Variants in SUCLG2 observed in about 807,000 individuals in gnomAD.
The protein encoded by SUCLG2 is succinate--CoA ligase [GDP-forming] subunit beta, mitochondrial.
Under a neutral mutation model 47.9 loss-of-function variants are expected in SUCLG2, and 42 were observed. That is an observed-to-expected ratio of 0.88 (90% CI 0.69 to 1.14). The LOEUF is 1.14. SUCLG2 is among the 50% of genes most tolerant of loss of function. The pLI is 0.00. For missense variants in SUCLG2, 571 were observed against 525.9 expected, an observed-to-expected ratio of 1.09 and a Z score of -0.84; for synonymous variants, 195 against 197.3, an observed-to-expected ratio of 0.99 and a Z score of 0.10.
intron 9 of SUCLG2, among the ~76,000 whole-genome samples, chr3:67,435,939 G>T (rs1184191340): frequency 6.6e-6 from 1 of 152,166 alleles, no homozygotes; most frequent in African/African-American, 2.4e-5. Context: ...AGTATGTGAG[G>T]AATAGTGTCT....
intron 2 of SUCLG2, among the ~76,000 whole-genome samples, chr3:67,608,844 A>AT (rs1352145723): frequency 6.6e-6 from 1 of 151,920 alleles, no homozygotes; most frequent in Non-Finnish European, 1.5e-5. Flanking sequence ...TACTAGGCTA[A>AT]TTTTTTTAGT....
At chr3:67,398,924 A>G (rs1272440523) in intron 10 of SUCLG2, among the ~76,000 whole-genome samples, 2 of 151,512 alleles carry the variant, frequency 1.3e-5, no homozygotes, top group African/African-American at 4.9e-5. Context: ...CGCAAGGACA[A>G]AAAACCAAAC....
At chr3:67,646,091 CAGGGG>C (rs1553676377) in intron 1 of SUCLG2, among the ~76,000 whole-genome samples, 3 of 30,674 alleles carry the variant, frequency 9.8e-5, no homozygotes, top group Non-Finnish European at 1.9e-4. Context: ...GAGGGGAGGG[CAGGGG>C]AGGGGAGGGG....
intron 9 of SUCLG2, among the ~76,000 whole-genome samples, chr3:67,425,005 A>ATCT (rs1418685942): frequency 6.6e-6 from 1 of 152,010 alleles, no homozygotes; most frequent in Non-Finnish European, 1.5e-5. Context: ...CCTACTCAAC[A>ATCT]TCTTCCACCC....
intron 4 of SUCLG2, among the ~76,000 whole-genome samples, chr3:67,527,217 A>G (rs192179998): frequency 6.6e-6 from 1 of 152,350 alleles, no homozygotes; most frequent in Admixed American, 6.5e-5. Flanking sequence ...AGCATGGTGC[A>G]TTGGTAGAGA....
chr3:67,634,855 T>A (rs1039843394), intron 1 of SUCLG2, among the ~76,000 whole-genome samples: 2 of 152,224 alleles, frequency 1.3e-5, no homozygotes, highest in African/African-American at 4.8e-5. Flanking sequence ...TGTTTGAGAA[T>A]GTGCACGTGT....
intron 9 of SUCLG2, among the ~76,000 whole-genome samples, chr3:67,490,602 G>A (rs191766854): frequency 6.6e-6 from 1 of 152,236 alleles, no homozygotes; most frequent in Non-Finnish European, 1.5e-5. Context: ...CACTGAACCT[G>A]TATCAGACAC....
At chr3:67,478,847 C>T (rs1344353573) in intron 9 of SUCLG2, among the ~76,000 whole-genome samples, 1 of 152,154 alleles carries the variant, frequency 6.6e-6, no homozygotes, top group Non-Finnish European at 1.5e-5. Flanking sequence ...GACTCTTGTG[C>T]TTAAAGGCAC....
intron 4 of SUCLG2, among the ~76,000 whole-genome samples, chr3:67,525,568 C>T (rs1575754922): frequency 6.6e-6 from 1 of 152,276 alleles, no homozygotes; most frequent in Admixed American, 6.5e-5. Context: ...AATTGAATAT[C>T]ATAGCCCTTT....
chr3:67,517,637 G>T (rs1295207003), intron 6 of SUCLG2, among the ~76,000 whole-genome samples: 1 of 152,084 alleles, frequency 6.6e-6, no homozygotes, highest in Non-Finnish European at 1.5e-5. Flanking sequence ...CCAATGTTTT[G>T]GTCTTTGAAG....
chr3:67,607,476 G>A (rs1700440440), intron 2 of SUCLG2, among the ~76,000 whole-genome samples: 1 of 151,412 alleles, frequency 6.6e-6, no homozygotes, highest in Non-Finnish European at 1.5e-5. Flanking sequence ...TTAAAATACT[G>A]ACGTGGCTCA....
At chr3:67,587,710 A>G (rs1026254507) in intron 2 of SUCLG2, among the ~76,000 whole-genome samples, 6 of 152,234 alleles carry the variant, frequency 3.9e-5, no homozygotes, top group Admixed American at 3.3e-4. Context: ...TGTACAGTTA[A>G]TATTTCTAAA....
chr3:67,398,145 G>A (rs1446514571), intron 10 of SUCLG2, among the ~76,000 whole-genome samples: 2 of 150,170 alleles, frequency 1.3e-5, no homozygotes, highest in East Asian at 3.9e-4. Flanking sequence ...AAAAGCAATG[G>A]CAACAAAAGC....
intron 9 of SUCLG2, among the ~76,000 whole-genome samples, chr3:67,493,446 C>T (rs997217054): frequency 3.9e-5 from 6 of 152,186 alleles, no homozygotes; most frequent in Non-Finnish European, 8.8e-5. Context: ...TGAAAATGTT[C>T]CATAAAGTCA....
intron 9 of SUCLG2, among the ~76,000 whole-genome samples, chr3:67,477,156 C>T (rs904655371): frequency 1.2e-4 from 18 of 152,168 alleles, no homozygotes; most frequent in African/African-American, 4.1e-4. Context: ...TGTGGCATCA[C>T]CTGAACAGCT....
At chr3:67,439,407 T>G (rs1380211938) in intron 9 of SUCLG2, among the ~76,000 whole-genome samples, 1 of 151,846 alleles carries the variant, frequency 6.6e-6, no homozygotes, top group Admixed American at 6.6e-5. Context: ...GCAAGAGAAA[T>G]AAAGGGTATT....
At chr3:67,614,290 T>C (rs1456224570) in intron 1 of SUCLG2, among the ~76,000 whole-genome samples, 1 of 151,942 alleles carries the variant, frequency 6.6e-6, no homozygotes, top group Non-Finnish European at 1.5e-5. Context: ...GACTGAACAG[T>C]AGGGGGAAGA....
Position 67,520,533 on chromosome 3 carries a change from C to T in SUCLG2, c.519G>A (p.Gly173=). The T allele has an allele frequency of 6.2e-7, 1 of 1,614,176 alleles. No individual in the cohort carries two copies. Among genetic ancestry groups the T allele is most frequent in the Non-Finnish European group, 8.5e-7 (1 of 1,180,012 alleles). ...CAGCCACCTCTTCAATGTCGACGCC[C>T]CCCTGGGGGCTGCCCACCAGCACGG... ...NGPVLVGSPQ[G]GVDIEEVAAS... is the part of the protein sequence containing the mutation. The change falls in exon 5 of 11, where the codon GGG becomes GGA. Residue 173 remains glycine, a synonymous_variant. Transcript: ENST00000307227.
intron 9 of SUCLG2, among the ~76,000 whole-genome samples, chr3:67,471,478 C>T (rs1266531489): frequency 6.6e-6 from 1 of 152,158 alleles, no homozygotes; most frequent in African/African-American, 2.4e-5. Context: ...ATTCAAGCTC[C>T]TTAACTTACC....
Sources: gnomAD v4.1 joint callset for allele counts (sites outside exome capture counted in the v4.1 genomes callset) on GRCh38, gnomAD v4.1.1 for gene constraint, MANE v1.5 for transcripts, NCBI Gene and HGNC (gene_info 2026-07-23, HGNC 2026-07-21) for gene names.